DSE: variants seen among roughly 807,000 people sequenced by gnomAD.
DSE encodes the protein dermatan-sulfate epimerase.
Under a neutral mutation model 84.4 loss-of-function variants are expected in DSE, and 36 were observed. The ratio of observed to expected loss-of-function variants is 0.43; its 90% CI spans 0.33 to 0.56. DSE has a LOEUF of 0.56. DSE is among the 20% of genes least tolerant of loss of function. The pLI, the probability that DSE is intolerant of heterozygous loss-of-function variation, is 0.06. For missense variants in DSE, 862 were observed against 1,169.6 expected (o/e 0.74, Z 3.84); for synonymous variants, 410 against 430.1 (o/e 0.95, Z 0.58).
At chr6:116,261,823 T>G (rs1353576267) in intron 2 of DSE, among the ~76,000 whole-genome samples, 2 of 152,228 alleles carry the variant, frequency 1.3e-5, no homozygotes, top group African/African-American at 4.8e-5. Flanking sequence ...TGAATTTTAT[T>G]GAAGGCCTTT....
chr6:116,299,537 TATATATATATATATACACATACACAC>T, intron 2 of DSE, among the ~76,000 whole-genome samples: 1 of 26,648 alleles, frequency 3.8e-5, no homozygotes, highest in Non-Finnish European at 5.8e-5. Flanking sequence ...TATATATATA[TATATATATATATATACACATACACAC>T]ACACACACAC....
chr6:116,310,898 G>A (rs1427494010), intron 2 of DSE, among the ~76,000 whole-genome samples: 1 of 152,158 alleles, frequency 6.6e-6, no homozygotes, highest in African/African-American at 2.4e-5. Flanking sequence ...AGAATGTCTT[G>A]TGTGGCCACA....
chr6:116,423,204 A>G (rs1159403649), intron 2 of DSE: 1 of 152,228 alleles, frequency 6.6e-6, no homozygotes, highest in Admixed American at 6.5e-5. Context: ...AATAATACCA[A>G]TAGATAAAGT....
intron 2 of DSE, among the ~76,000 whole-genome samples, chr6:116,264,624 T>TC (rs1383561319): frequency 6.6e-6 from 1 of 152,152 alleles, no homozygotes; most frequent in African/African-American, 2.4e-5. Flanking sequence ...TGTGAGCCCA[T>TC]CCTTTGGAGG....
upstream of DSE, among the ~76,000 whole-genome samples, chr6:116,367,808 T>A (rs533561954): frequency 2.6e-5 from 4 of 152,290 alleles, no homozygotes; most frequent in Admixed American, 2.6e-4. Flanking sequence ...AATTTCCATC[T>A]CAGCAAGGAG....
At chr6:116,343,053 C>T (rs959128101) in intron 2 of DSE, among the ~76,000 whole-genome samples, 1 of 152,190 alleles carries the variant, frequency 6.6e-6, no homozygotes, top group African/African-American at 2.4e-5. Flanking sequence ...ACTGCTAGCA[C>T]AGCAGTCTGA....
chr6:116,435,558 A>G (rs1487358328), intron 5 of DSE, 29 bp from the exon 6 acceptor site: 7 of 1,538,996 alleles, frequency 4.5e-6, no homozygotes, highest in Admixed American at 2.1e-5. Flanking sequence ...CCATCAGAAA[A>G]CCATTTAATT....
At chr6:116,259,202 A>G in intron 2 of DSE, 1 of 645,942 alleles carries the variant, frequency 1.5e-6, no homozygotes, top group East Asian at 2.8e-5. Context: ...CTTACTTGTA[A>G]TTTAAAGGAA....
intron 2 of DSE, among the ~76,000 whole-genome samples, chr6:116,292,372 T>C (rs9387393): frequency 0.24 from 36,628 of 152,086 alleles, 5,551 homozygotes; most frequent in East Asian, 0.64. Context: ...AGATGAAGAC[T>C]GGGAAGAAAA....
intron 1 of DSE, chr6:116,375,661 T>C: frequency 1.5e-6 from 1 of 658,606 alleles, no homozygotes; most frequent in Non-Finnish European, 1.9e-6. Context: ...AAATACAAGG[T>C]ATTGTGCATA....
intron 2 of DSE, chr6:116,412,606 C>T (rs1782451161): frequency 6.6e-6 from 1 of 152,116 alleles, no homozygotes; most frequent in Non-Finnish European, 1.5e-5. Context: ...TTCACTGTGA[C>T]CTACAGTAAC....
chr6:116,270,024 C>G lies in DSE; in HGVS notation c.-54+11057C>G, dbSNP rs528102954. Reference sequence around the variant, plus strand: ...AGTCTTCTGCTCTGATAGAGTTATACTTTAGTAAAGAAGAGCTAAATACAA... The same window carrying G: ...AGTCTTCTGCTCTGATAGAGTTATAGTTTAGTAAAGAAGAGCTAAATACAA... On this transcript the variant is annotated intron_variant, in intron 2 of 3. Transcript: ENST00000430252. 8.8e-4 allele frequency among the ~76,000 whole-genome samples: 134 copies of G among 152,126 alleles called. 2 individuals are homozygous for G. The South Asian group carries it at 0.019, about 22-fold the overall frequency.
chr6:116,420,902 A>G (rs1354759000), intron 2 of DSE, among the ~76,000 whole-genome samples: 1 of 152,240 alleles, frequency 6.6e-6, no homozygotes, highest in Non-Finnish European at 1.5e-5. Flanking sequence ...TTAGTGATAC[A>G]GACTTCTTCG....
At position 116,327,596 on chromosome 6, in the gene DSE, T is replaced by C. The variant is rs547519449; in HGVS notation, c.-54+68629T>C. ...AGTCCAGGGGTTACATAGAAGTCAC[T>C]GGTATTACAGGATATTTGGAGGTCA... On this transcript the variant is annotated intron_variant, in intron 2 of 3. Coordinates refer to the DSE transcript ENST00000430252. Among the ~76,000 whole-genome samples, 8 of 152,358 alleles carry C rather than the reference T, an allele frequency of 5.3e-5. No homozygotes were observed. The East Asian group carries it at 1.5e-3, about 29-fold the overall frequency.
chr6:116,259,075 G>A, intron 2 of DSE: 1 of 1,546,316 alleles, frequency 6.5e-7, no homozygotes, highest in South Asian at 1.1e-5. Context: ...GATGTCTGGG[G>A]TCTCTGCCAC....
chr6:116,351,924 A>G (rs1212141304), intron 2 of DSE, among the ~76,000 whole-genome samples: 1 of 152,146 alleles, frequency 6.6e-6, no homozygotes, highest in African/African-American at 2.4e-5. Context: ...TGTCTTTTAC[A>G]TTTTATCATG....
At chr6:116,324,841 G>C (rs1776529943) in intron 2 of DSE, among the ~76,000 whole-genome samples, 1 of 152,092 alleles carries the variant, frequency 6.6e-6, no homozygotes, top group Admixed American at 6.5e-5. Flanking sequence ...ACCCTTTTGG[G>C]GATGCATGCA....
At chr6:116,374,654 G>T (rs75930794) in intron 1 of DSE, among the ~76,000 whole-genome samples, 1 of 152,138 alleles carries the variant, frequency 6.6e-6, no homozygotes, top group Non-Finnish European at 1.5e-5. Context: ...TGCATCTGGG[G>T]AGGGCTTTCT....
rs540185424 is a variant in DSE at position 116,405,442 on chromosome 6, G to A, written c.416+5776G>A. ...GTGGACTCGTGGAGACAAATGCTGG[G>A]CTGTCAGAAAACCCAGCCTCTAATT... On this transcript the variant is annotated intron_variant, in intron 2 of 5. Coordinates refer to ENST00000644252, the MANE Select transcript of DSE (RefSeq NM_013352.4). Among the ~76,000 whole-genome samples the A allele has an allele frequency of 2.0e-5, 3 of 152,216 alleles. No homozygotes were observed. In the East Asian group the frequency reaches 5.8e-4, roughly 29 times the overall value.
Sources: gnomAD v4.1 joint callset for allele counts (sites outside exome capture counted in the v4.1 genomes callset) on GRCh38, gnomAD v4.1.1 for gene constraint, MANE v1.5 for transcripts, NCBI Gene and HGNC (gene_info 2026-07-23, HGNC 2026-07-21) for gene names.